The following DCDC1 variants were observed in gnomAD, a reference collection of about 807,000 sequenced individuals.
DCDC1 encodes doublecortin domain containing 1, also known as doublecortin domain-containing protein 1.
In DCDC1, 200 loss-of-function variants were observed where a neutral mutation model predicts 178.3. The ratio of observed to expected loss-of-function variants is 1.12; its 90% CI spans 1.00 to 1.26. The LOEUF is 1.26. DCDC1 is among the 50% of genes most tolerant of loss of function. The pLI is 0.00. For synonymous variants in DCDC1, 690 were observed against 604.8 expected, an observed-to-expected ratio of 1.14 and a Z score of -2.07; for missense variants, 1,983 against 1,749.2, an observed-to-expected ratio of 1.13 and a Z score of -2.38.
intron 7 of DCDC1, among the ~76,000 whole-genome samples, chr11:31,267,543 C>A (rs1455995229): frequency 2.6e-5 from 4 of 152,192 alleles, no homozygotes; most frequent in Non-Finnish European, 4.4e-5. Context: ...TTCGCAACAT[C>A]AATGCTTTAC....
At chr11:31,223,970 A>G (rs1974598062) in intron 9 of DCDC1, among the ~76,000 whole-genome samples, 1 of 151,998 alleles carries the variant, frequency 6.6e-6, no homozygotes, top group African/African-American at 2.4e-5. Context: ...AGGTCATTGA[A>G]TCATGGGGGC....
At chr11:31,180,194 T>G (rs995798383) in intron 9 of DCDC1, among the ~76,000 whole-genome samples, 1 of 152,162 alleles carries the variant, frequency 6.6e-6, no homozygotes, top group Non-Finnish European at 1.5e-5. Context: ...TACAATTAGA[T>G]AGAATGAATA....
At chr11:30,891,647 G>T (rs1943785911) in intron 36 of DCDC1, among the ~76,000 whole-genome samples, 1 of 152,128 alleles carries the variant, frequency 6.6e-6, no homozygotes, top group Non-Finnish European at 1.5e-5. Context: ...CTTTTTCTAG[G>T]TAGCTCTCTT....
chr11:31,194,380 T>TC (rs1182399927), intron 9 of DCDC1, among the ~76,000 whole-genome samples: 1 of 152,092 alleles, frequency 6.6e-6, no homozygotes, highest in Non-Finnish European at 1.5e-5. Flanking sequence ...GTTATTTTTT[T>TC]CTGATTAGTC....
At chr11:31,234,261 T>G (rs181352479) in intron 9 of DCDC1, among the ~76,000 whole-genome samples, 49 of 152,318 alleles carry the variant, frequency 3.2e-4, no homozygotes, top group Admixed American at 2.9e-3. Context: ...TGAGAAAGTT[T>G]TATGAAAGAG....
At chr11:30,936,499 G>C (rs1370581507) in intron 21 of DCDC1, among the ~76,000 whole-genome samples, 1 of 152,136 alleles carries the variant, frequency 6.6e-6, no homozygotes, top group Non-Finnish European at 1.5e-5. Flanking sequence ...ACACCCTTGA[G>C]GTACCTTCCT....
chr11:31,000,875 C>A (rs1590716064), intron 20 of DCDC1, among the ~76,000 whole-genome samples: 1 of 152,000 alleles, frequency 6.6e-6, no homozygotes, highest in East Asian at 1.9e-4. Context: ...AAAAAAAAGT[C>A]CCATATACCC....
At chr11:30,899,797 C>T (rs1350980503) in intron 33 of DCDC1, among the ~76,000 whole-genome samples, 155 bp from the exon 34 acceptor site, 1 of 152,046 alleles carries the variant, frequency 6.6e-6, no homozygotes, top group East Asian at 1.9e-4. Flanking sequence ...TGAAAGATGA[C>T]AGGGCTTAAG....
chr11:31,082,641 CTACACATATATATGTGCATAATACATT>C (rs1212976678), intron 17 of DCDC1, among the ~76,000 whole-genome samples: 1 of 151,406 alleles, frequency 6.6e-6, no homozygotes, highest in Non-Finnish European at 1.5e-5. Flanking sequence ...TGTAATACAT[CTACACATATATATGTGCATAATACATT>C]TACACATATA....
intron 9 of DCDC1, among the ~76,000 whole-genome samples, chr11:31,176,772 T>A (rs1308918015): frequency 2.0e-5 from 3 of 151,628 alleles, no homozygotes; most frequent in African/African-American, 7.3e-5. Context: ...GGAAAAAAAA[T>A]ACTCAGCAAA....
At chr11:31,146,244 TTTTG>T (rs748280385) in intron 9 of DCDC1, among the ~76,000 whole-genome samples, 7 of 151,878 alleles carry the variant, frequency 4.6e-5, no homozygotes, top group East Asian at 3.9e-4. Context: ...GCTAATTTTT[TTTTG>T]TTTGTTTTTG....
At chr11:31,267,896 C>T (rs1000118575) in intron 7 of DCDC1, among the ~76,000 whole-genome samples, 3 of 152,148 alleles carry the variant, frequency 2.0e-5, no homozygotes, top group African/African-American at 7.2e-5. Context: ...GTCTGACTGG[C>T]AAAATTCTCC....
At chr11:30,902,086 A>C (rs1292937647) in intron 32 of DCDC1, among the ~76,000 whole-genome samples, 1 of 152,130 alleles carries the variant, frequency 6.6e-6, no homozygotes, top group Non-Finnish European at 1.5e-5. Flanking sequence ...AAATATAGAT[A>C]TATAGATATA....
chr11:31,193,628 T>C (rs1179840273), intron 9 of DCDC1, among the ~76,000 whole-genome samples: 1 of 152,026 alleles, frequency 6.6e-6, no homozygotes, highest in Admixed American at 6.6e-5. Flanking sequence ...TCCTTTACCT[T>C]GGAAAAATAA....
intron 20 of DCDC1, among the ~76,000 whole-genome samples, chr11:31,037,809 A>G (rs1422486435): frequency 1.3e-5 from 2 of 151,900 alleles, no homozygotes; most frequent in African/African-American, 4.8e-5. Flanking sequence ...TCTAACTTTC[A>G]TTTTATCTCA....
intron 25 of DCDC1, among the ~76,000 whole-genome samples, chr11:30,919,703 G>C (rs1946108928): frequency 6.6e-6 from 1 of 152,144 alleles, no homozygotes; most frequent in Admixed American, 6.6e-5. Context: ...TCCAAATGAG[G>C]AAGTTTGGTT....
chr11:30,909,677 C>CA (rs536461439), intron 28 of DCDC1, among the ~76,000 whole-genome samples: 1 of 151,510 alleles, frequency 6.6e-6, no homozygotes, highest in African/African-American at 2.4e-5. Flanking sequence ...ACATTCTTGC[C>CA]AAAAAATGGG....
At chr11:31,191,824 C>T (rs1366590361) in intron 9 of DCDC1, among the ~76,000 whole-genome samples, 1 of 151,986 alleles carries the variant, frequency 6.6e-6, no homozygotes, top group Non-Finnish European at 1.5e-5. Context: ...TCTACTTTTG[C>T]TTGGTCATAC....
At chr11:30,923,674 A>C (rs920116265) in intron 23 of DCDC1, among the ~76,000 whole-genome samples, 7 of 151,644 alleles carry the variant, frequency 4.6e-5, no homozygotes, top group Admixed American at 4.6e-4. Flanking sequence ...GCTGGAGTGC[A>C]GTGGCATGCT....
Sources: gnomAD v4.1 joint callset for allele counts (sites outside exome capture counted in the v4.1 genomes callset) on GRCh38, gnomAD v4.1.1 for gene constraint, MANE v1.5 for transcripts, NCBI Gene and HGNC (gene_info 2026-07-23, HGNC 2026-07-21) for gene names.